Variants in RABGAP1L observed in about 807,000 individuals in gnomAD.
RABGAP1L encodes rab GTPase-activating protein 1-like.
RABGAP1L carries 63 observed loss-of-function variants against 137.7 expected under a neutral mutation model. The observed-to-expected ratio is 0.46, with a 90% confidence interval of 0.37 to 0.56. The LOEUF is 0.56. Among genes scored for constraint, RABGAP1L ranks in the 20% least tolerant of loss-of-function variants. The pLI is 0.00. For missense variants in RABGAP1L, 1,095 were observed against 1,244.0 expected (o/e 0.88, Z 1.80); for synonymous variants, 431 against 433.7 (o/e 0.99, Z 0.08).
intron 19 of RABGAP1L, among the ~76,000 whole-genome samples, chr1:174,847,341 G>A (rs1694178584): frequency 1.3e-5 from 2 of 151,520 alleles, no homozygotes; most frequent in Admixed American, 1.3e-4. Context: ...TTTACATTTT[G>A]GCATGATTTT....
chr1:174,349,962 T>G (rs1682951445), intron 11 of RABGAP1L, among the ~76,000 whole-genome samples: 1 of 116,414 alleles, frequency 8.6e-6, no homozygotes, highest in African/African-American at 3.2e-5. Context: ...GTGGGGGGGC[T>G]GACCCCCCCA....
At chr1:174,987,227 C>T (rs1671667160) in intron 24 of RABGAP1L, among the ~76,000 whole-genome samples, 1 of 151,762 alleles carries the variant, frequency 6.6e-6, no homozygotes, top group Admixed American at 6.6e-5. Context: ...AGTGCAGTGG[C>T]GCGATCTCGG....
intron 21 of RABGAP1L, among the ~76,000 whole-genome samples, chr1:174,974,151 G>A (rs1322794070): frequency 6.6e-6 from 1 of 151,980 alleles, no homozygotes; most frequent in African/African-American, 2.4e-5. Flanking sequence ...ACCATGCCCG[G>A]CTAATTTTTT....
chr1:174,298,734 TG>T (rs1417072771), intron 10 of RABGAP1L, among the ~76,000 whole-genome samples: 2 of 152,190 alleles, frequency 1.3e-5, no homozygotes, highest in African/African-American at 4.8e-5. Flanking sequence ...TCTGGGTACA[TG>T]GTGCCTGGCT....
At chr1:174,383,225 G>A (rs1686356150) in intron 12 of RABGAP1L, among the ~76,000 whole-genome samples, 1 of 151,276 alleles carries the variant, frequency 6.6e-6, no homozygotes. Flanking sequence ...AGTCTGCAGA[G>A]GTTACTGCTG....
intron 21 of RABGAP1L, among the ~76,000 whole-genome samples, chr1:174,975,864 G>C (rs1670600271): frequency 6.6e-6 from 1 of 152,110 alleles, no homozygotes; most frequent in South Asian, 2.1e-4. Flanking sequence ...AATTATTGTT[G>C]GTGTGTGGAT....
chr1:174,444,950 C>G (rs563005233), intron 13 of RABGAP1L, among the ~76,000 whole-genome samples: 5 of 151,764 alleles, frequency 3.3e-5, no homozygotes, highest in Non-Finnish European at 5.9e-5. Flanking sequence ...CTATTTCGGT[C>G]CCATTTTCAC....
intron 18 of RABGAP1L, among the ~76,000 whole-genome samples, chr1:174,775,455 A>G (rs986786947): frequency 1.3e-5 from 2 of 151,946 alleles, no homozygotes; most frequent in African/African-American, 4.8e-5. Flanking sequence ...CTGGGATTAC[A>G]GGCAGACTCC....
chr1:174,242,595 G>A (rs1453980485), intron 5 of RABGAP1L, among the ~76,000 whole-genome samples: 1 of 152,188 alleles, frequency 6.6e-6, no homozygotes, highest in African/African-American at 2.4e-5. Context: ...ATTTCTGTGA[G>A]TTTGATACAA....
At chr1:174,487,368 C>A (rs1411565604) in intron 13 of RABGAP1L, among the ~76,000 whole-genome samples, 2 of 152,110 alleles carry the variant, frequency 1.3e-5, no homozygotes, top group Non-Finnish European at 2.9e-5. Flanking sequence ...ACCCTTTTAT[C>A]ATTATATAGT....
chr1:174,922,696 A>G (rs1389445551), intron 19 of RABGAP1L, among the ~76,000 whole-genome samples: 6 of 152,234 alleles, frequency 3.9e-5, no homozygotes, highest in Admixed American at 2.6e-4. Context: ...GAACTCATGC[A>G]TATTCACATC....
chr1:174,793,006 C>T (rs969568702), intron 18 of RABGAP1L, among the ~76,000 whole-genome samples: 1 of 152,074 alleles, frequency 6.6e-6, no homozygotes, highest in African/African-American at 2.4e-5. Context: ...GTGGCGAGCA[C>T]CTGTAATCCC....
chr1:174,895,915 G>A (rs976368083), intron 19 of RABGAP1L, among the ~76,000 whole-genome samples: 2 of 152,308 alleles, frequency 1.3e-5, no homozygotes, highest in East Asian at 3.9e-4. Flanking sequence ...GTGTGCATGT[G>A]TCTTGATAGC....
chr1:174,724,214 T>C (rs1196235834), intron 17 of RABGAP1L, among the ~76,000 whole-genome samples: 1 of 152,254 alleles, frequency 6.6e-6, no homozygotes, highest in Non-Finnish European at 1.5e-5. Context: ...ATTTACATGA[T>C]GTGGCTTTTT....
chr1:174,649,421 G>C (rs1395893175), intron 14 of RABGAP1L, among the ~76,000 whole-genome samples: 2 of 152,052 alleles, frequency 1.3e-5, no homozygotes, highest in African/African-American at 2.4e-5. Flanking sequence ...CTCGGCGATG[G>C]CTTGTCTGTA....
At chr1:174,939,496 C>T (rs1018415742) in intron 19 of RABGAP1L, among the ~76,000 whole-genome samples, 2 of 146,988 alleles carry the variant, frequency 1.4e-5, no homozygotes, top group Non-Finnish European at 3.0e-5. Flanking sequence ...GCGGAGGTTG[C>T]AGTAAGCTGA....
chr1:174,229,692 G>A (rs189620977), intron 3 of RABGAP1L, among the ~76,000 whole-genome samples: 9 of 152,292 alleles, frequency 5.9e-5, no homozygotes, highest in African/African-American at 2.2e-4. Flanking sequence ...TTGGTTCCAA[G>A]TCTTTGCTAT....
intron 17 of RABGAP1L, among the ~76,000 whole-genome samples, chr1:174,730,835 A>G (rs1282457884): frequency 6.6e-6 from 1 of 152,214 alleles, no homozygotes; most frequent in Admixed American, 6.5e-5. Context: ...AAATGTATAG[A>G]TTGACTAAAA....
intron 7 of RABGAP1L, among the ~76,000 whole-genome samples, chr1:174,255,018 A>G (rs943672160): frequency 1.3e-5 from 2 of 152,142 alleles, no homozygotes; most frequent in Non-Finnish European, 2.9e-5. Flanking sequence ...TGACTTTTTA[A>G]TGATTGCCAT....
Sources: allele counts gnomAD v4.1 joint callset (sites outside exome capture counted in the v4.1 genomes callset), GRCh38; gene constraint gnomAD v4.1.1; transcripts MANE v1.5; gene names NCBI Gene and HGNC (gene_info 2026-07-23, HGNC 2026-07-21).